COL4A2: variants seen among roughly 807,000 people sequenced by gnomAD.
The protein encoded by COL4A2 is collagen type IV alpha 2 chain, also known as collagen alpha-2(IV) chain.
A neutral mutation model predicts 200.2 loss-of-function variants in COL4A2; 99 were observed. The ratio of observed to expected loss-of-function variants is 0.49; its 90% CI spans 0.42 to 0.58. The LOEUF is 0.58. COL4A2 is among the 20% of genes least tolerant of loss of function. The pLI is 0.00. For missense variants in COL4A2, 1,950 were observed against 2,314.1 expected, an observed-to-expected ratio of 0.84 and a Z score of 3.23; for synonymous variants, 897 against 900.6, an observed-to-expected ratio of 1.00 and a Z score of 0.07.
chr13:110,415,706 C>T (rs1880015777), intron 4 of COL4A2, among the ~76,000 whole-genome samples: 1 of 152,262 alleles, frequency 6.6e-6, no homozygotes, highest in Non-Finnish European at 1.5e-5. Flanking sequence ...GGCTGTGCCA[C>T]AGATCCTGAG....
chr13:110,475,787 C>T (rs1163399181), intron 29 of COL4A2, among the ~76,000 whole-genome samples: 1 of 152,240 alleles, frequency 6.6e-6, no homozygotes, highest in Non-Finnish European at 1.5e-5. Context: ...GAGCAGAACT[C>T]TCGGAATGAA....
chr13:110,327,734 TC>T (rs988213451), intron 3 of COL4A2, among the ~76,000 whole-genome samples: 1 of 152,168 alleles, frequency 6.6e-6, no homozygotes, highest in African/African-American at 2.4e-5. Context: ...GAGAAATAGT[TC>T]CCTGCTGTGG....
intron 4 of COL4A2, among the ~76,000 whole-genome samples, chr13:110,415,619 AT>A (rs1047989107): frequency 5.9e-5 from 9 of 152,070 alleles, no homozygotes; most frequent in African/African-American, 9.6e-5. Context: ...AACTTAAAGA[AT>A]TTTTTTTTCT....
Position 110,454,319 on chromosome 13 carries a change from C to T in COL4A2, c.1340-3024C>T, listed in dbSNP as rs186011208. Among the ~76,000 whole-genome samples the T allele has an allele frequency of 5.9e-3, 897 of 152,294 alleles. 10 individuals carry two copies. Among genetic ancestry groups the T allele is most frequent in the Non-Finnish European group, 9.6e-3 (651 of 68,022 alleles). On this transcript the variant is annotated intron_variant, in intron 20 of 47. Coordinates refer to ENST00000360467, the MANE Select transcript of COL4A2 (RefSeq NM_001846.4). ...GGGGGCAGAGGAAGGCTGTCACCCT[C>T]AGAGAGCCACTGTGTGCCTTTAGGA...
chr13:110,358,888 T>G (rs1012221066), intron 4 of COL4A2, among the ~76,000 whole-genome samples: 2 of 152,246 alleles, frequency 1.3e-5, no homozygotes, highest in Non-Finnish European at 2.9e-5. Flanking sequence ...ATTTTAATTT[T>G]CATAAGCATC....
chr13:110,440,685 C>T (rs1022177605), intron 16 of COL4A2, among the ~76,000 whole-genome samples: 1 of 152,158 alleles, frequency 6.6e-6, no homozygotes, highest in Non-Finnish European at 1.5e-5. Flanking sequence ...CTAGGTCATA[C>T]ACAATGTTAT....
At chr13:110,329,482 G>A (rs1009017280) in intron 3 of COL4A2, among the ~76,000 whole-genome samples, 3 of 152,198 alleles carry the variant, frequency 2.0e-5, no homozygotes, top group Admixed American at 6.5e-5. Flanking sequence ...CCCTCACTGC[G>A]GGTGCCACAT....
chr13:110,510,849 G>A (rs539270329), intron 47 of COL4A2, among the ~76,000 whole-genome samples: 1 of 152,372 alleles, frequency 6.6e-6, no homozygotes, highest in East Asian at 1.9e-4. Context: ...AGACCAAAGT[G>A]AAGCCGGAGG....
intron 3 of COL4A2, among the ~76,000 whole-genome samples, chr13:110,348,656 ATTT>A (rs5806851): frequency 6.7e-6 from 1 of 149,530 alleles, no homozygotes; most frequent in African/African-American, 2.4e-5. Context: ...AATTGTATAG[ATTT>A]TTTTTTTTTG....
intron 4 of COL4A2, among the ~76,000 whole-genome samples, chr13:110,381,561 C>T (rs1191232717): frequency 6.6e-6 from 1 of 152,210 alleles, no homozygotes; most frequent in Non-Finnish European, 1.5e-5. Flanking sequence ...CTGTCTCGCA[C>T]AACTGGAGAT....
At chr13:110,455,022 T>G (rs1444835625) in intron 20 of COL4A2, among the ~76,000 whole-genome samples, 1 of 152,070 alleles carries the variant, frequency 6.6e-6, no homozygotes, top group Non-Finnish European at 1.5e-5. Flanking sequence ...CATTCTGTAC[T>G]GGCTCCCTCA....
intron 18 of COL4A2, 135 bp downstream of exon 18, chr13:110,446,999 A>AC (rs397751776): frequency 1.6e-5 from 9 of 568,740 alleles, no homozygotes; most frequent in African/African-American, 1.4e-4. Context: ...AATAAAAAAA[A>AC]TAAAAAATAA....
At chr13:110,310,002 A>G (rs1025090120) in intron 3 of COL4A2, among the ~76,000 whole-genome samples, 36 of 151,904 alleles carry the variant, frequency 2.4e-4, no homozygotes, top group Non-Finnish European at 7.4e-5. Flanking sequence ...AAACAAAACA[A>G]ACAAACAAAA....
intron 4 of COL4A2, among the ~76,000 whole-genome samples, chr13:110,391,383 A>AGG (rs1418183062): frequency 6.6e-5 from 10 of 152,340 alleles, no homozygotes; most frequent in Non-Finnish European, 1.2e-4. Flanking sequence ...AGACTTGGTC[A>AGG]TTTGTGAGGA....
intron 16 of COL4A2, among the ~76,000 whole-genome samples, chr13:110,444,367 T>C (rs1022586049): frequency 2.0e-5 from 3 of 152,158 alleles, no homozygotes; most frequent in African/African-American, 7.2e-5. Context: ...TGCTCACAGC[T>C]CCCACTGAGT....
intron 31 of COL4A2, among the ~76,000 whole-genome samples, chr13:110,481,550 C>T (rs376870322): frequency 1.3e-3 from 102 of 80,364 alleles, no homozygotes; most frequent in African/African-American, 3.2e-3. Context: ...AGACACACTG[C>T]TCTGTCCTTC....
chr13:110,368,819 T>C (rs1338696600), intron 4 of COL4A2, among the ~76,000 whole-genome samples: 1 of 127,106 alleles, frequency 7.9e-6, no homozygotes, highest in African/African-American at 3.0e-5. Context: ...GCTATTTTTC[T>C]AATTCACAAT....
chr13:110,380,310 A>G (rs1277071895), intron 4 of COL4A2, among the ~76,000 whole-genome samples: 1 of 152,222 alleles, frequency 6.6e-6, no homozygotes, highest in East Asian at 1.9e-4. Context: ...TCCCACCAGC[A>G]TGGACATGAG....
At chr13:110,353,419 G>A (rs1399175837) in intron 3 of COL4A2, among the ~76,000 whole-genome samples, 2 of 152,190 alleles carry the variant, frequency 1.3e-5, no homozygotes, top group African/African-American at 2.4e-5. Context: ...CTGAGAGCAG[G>A]GTGGCAGCAG....
Sources: gnomAD v4.1 joint callset for allele counts (sites outside exome capture counted in the v4.1 genomes callset) on GRCh38, gnomAD v4.1.1 for gene constraint, MANE v1.5 for transcripts, NCBI Gene and HGNC (gene_info 2026-07-23, HGNC 2026-07-21) for gene names.